SCFD1: variants seen among roughly 807,000 people sequenced by gnomAD.
SCFD1 encodes the protein sec1 family domain-containing protein 1.
SCFD1 carries 37 observed loss-of-function variants against 103.2 expected under a neutral mutation model. That is an observed-to-expected ratio of 0.36 (90% CI 0.28 to 0.47). The LOEUF (loss-of-function observed/expected upper bound fraction) is 0.47, where lower values mean the gene tolerates loss of function less well. Ranked by LOEUF, SCFD1 falls within the 20% of genes least tolerant of loss-of-function variation. The pLI, the probability that SCFD1 is intolerant of heterozygous loss-of-function variation, is 1.00. For synonymous variants in SCFD1, 264 were observed against 245.0 expected, an observed-to-expected ratio of 1.08 and a Z score of -0.73; for missense variants, 639 against 761.2, an observed-to-expected ratio of 0.84 and a Z score of 1.89.
chr14:30,660,944 G>C (rs1199498320), intron 10 of SCFD1, among the ~76,000 whole-genome samples: 1 of 152,012 alleles, frequency 6.6e-6, no homozygotes, highest in Admixed American at 6.6e-5. Context: ...CCTCAGACCT[G>C]GCTGCATCCG....
intron 5 of SCFD1, 112 bp downstream of exon 5, chr14:30,638,359 T>G: frequency 7.0e-7 from 1 of 1,438,620 alleles, no homozygotes; most frequent in South Asian, 1.3e-5. Flanking sequence ...ACAACAGAAT[T>G]GTTTAGGCTC....
At chr14:30,692,781 C>T (rs191127234) in intron 14 of SCFD1, among the ~76,000 whole-genome samples, 1 of 152,306 alleles carries the variant, frequency 6.6e-6, no homozygotes, top group East Asian at 1.9e-4. Flanking sequence ...TGACTTCACT[C>T]TGCAGATAAC....
intron 14 of SCFD1, among the ~76,000 whole-genome samples, chr14:30,675,751 T>G (rs151221695): frequency 0.025 from 3,782 of 152,284 alleles, 86 homozygotes; most frequent in Non-Finnish European, 0.036. Flanking sequence ...CATTTGAAAC[T>G]GTTTAAAAAG....
chr14:30,694,962 T>C lies in SCFD1; in HGVS notation c.1339+93T>C, dbSNP rs927643458. 4 of 1,511,134 alleles carry C rather than the reference T, an allele frequency of 2.6e-6. No homozygotes were observed. In the African/African-American group the frequency reaches 5.8e-5, roughly 22 times the overall value. 93.6% of individuals were successfully genotyped at this position (1,511,134 alleles called of 1,614,324 possible). On this transcript the variant is annotated intron_variant, in intron 15 of 24. Transcript: ENST00000458591. ...AAACTTTGAATAGAATTGTTGTTTTTCTGACAGTCAATGCTAATATCAAGA... is the reference window on the plus strand; with the variant it reads ...AAACTTTGAATAGAATTGTTGTTTTCCTGACAGTCAATGCTAATATCAAGA...
At chr14:30,709,269 C>A (rs934475624) in intron 19 of SCFD1, among the ~76,000 whole-genome samples, 1 of 152,056 alleles carries the variant, frequency 6.6e-6, no homozygotes, top group Non-Finnish European at 1.5e-5. Flanking sequence ...TATACTTAAT[C>A]TTTATTTGTG....
chr14:30,658,151 C>T (rs1318232214), intron 10 of SCFD1: 1 of 449,032 alleles, frequency 2.2e-6, no homozygotes, highest in African/African-American at 2.0e-5. Flanking sequence ...ATTATTTTAT[C>T]TCTGTTTTTT....
chr14:30,695,003 T>C, intron 15 of SCFD1, 134 bp downstream of exon 15: 1 of 1,439,560 alleles, frequency 6.9e-7, no homozygotes, highest in Non-Finnish European at 9.1e-7. Flanking sequence ...AAATGAGCTA[T>C]TTTCTGGTAA....
chr14:30,639,893 T>C, intron 6 of SCFD1, 29 bp downstream of exon 6: 1 of 1,560,964 alleles, frequency 6.4e-7, no homozygotes, highest in Non-Finnish European at 8.7e-7. Flanking sequence ...GTTGCAATTC[T>C]TTGTTAACAA....
At chr14:30,679,030 G>A (rs556134130) in intron 14 of SCFD1, among the ~76,000 whole-genome samples, 2 of 152,058 alleles carry the variant, frequency 1.3e-5, no homozygotes, top group South Asian at 2.1e-4. Flanking sequence ...TTATTTTTTG[G>A]TTCAACTGCC....
chr14:30,650,556 A>G lies in SCFD1; in HGVS notation c.670-9A>G. ...CTGTTAAGAGTTAATCTAAAATTTT[A>G]TTTTTCAGAAACTAGACAAGAAACT... On this transcript the variant is annotated splice_polypyrimidine_tract_variant and intron_variant, in intron 8 of 24. Transcript: ENST00000458591. 1 of 1,536,672 alleles carries G rather than the reference A, an allele frequency of 6.5e-7. No individual in the cohort carries two copies. The highest frequency in any genetic ancestry group is 9.0e-7 in the Non-Finnish European group (1 of 1,111,770).
At chr14:30,652,468 T>G (rs1886490895) in intron 9 of SCFD1, 2 of 152,164 alleles carry the variant, frequency 1.3e-5, no homozygotes, top group African/African-American at 4.8e-5. Flanking sequence ...GTATAGCGTT[T>G]TTTGAGGCTC....
At chr14:30,643,825 C>T (rs887058920) in intron 7 of SCFD1, 1 of 411,360 alleles carries the variant, frequency 2.4e-6, no homozygotes, top group African/African-American at 2.1e-5. Context: ...TACTAATCTA[C>T]CTATACCTTC....
rs143260813 is a variant in SCFD1 at position 30,721,438 on chromosome 14, C to T, written c.1737-446C>T. Among the ~76,000 whole-genome samples the T allele has an allele frequency of 5.5e-3, 838 of 152,080 alleles. 12 individuals are homozygous for T. The highest frequency in any genetic ancestry group is 0.019 in the African/African-American group (776 of 41,508). On this transcript the variant is annotated intron_variant, in intron 21 of 24. Coordinates refer to ENST00000458591, the MANE Select transcript of SCFD1 (RefSeq NM_016106.4). ...CAGATCCCTCCCTCCCTCCCTTCCC[C>T]ATTTGCTTCCTGAGTTGTTATTCTT...
At chr14:30,679,830 G>A (rs773898311) in intron 14 of SCFD1, among the ~76,000 whole-genome samples, 1 of 152,082 alleles carries the variant, frequency 6.6e-6, no homozygotes, top group Non-Finnish European at 1.5e-5. Context: ...CTCTTGTCCA[G>A]TATGCATATC....
intron 14 of SCFD1, among the ~76,000 whole-genome samples, chr14:30,679,748 A>T (rs945730481): frequency 6.6e-6 from 1 of 151,786 alleles, no homozygotes; most frequent in South Asian, 2.1e-4. Context: ...TGATCACATT[A>T]GAGGTCTTTT....
At chr14:30,717,348 A>T (rs371781506) in intron 20 of SCFD1, among the ~76,000 whole-genome samples, 1 of 152,034 alleles carries the variant, frequency 6.6e-6, no homozygotes, top group Non-Finnish European at 1.5e-5. Context: ...GTGGTGATAC[A>T]CACCTGTAGT....
In SCFD1 at chr14:30,650,667, A is replaced by T; in HGVS notation, c.755+17A>T. The T allele has an allele frequency of 7.3e-7, 1 of 1,374,328 alleles. No homozygotes were observed. Among genetic ancestry groups the T allele is most frequent in the Non-Finnish European group, 1.0e-6 (1 of 969,216 alleles). 85.1% of individuals were successfully genotyped at this position (1,374,328 alleles called of 1,614,324 possible). On this transcript the variant is annotated intron_variant, in intron 9 of 24. Transcript: ENST00000458591. ...CCAATTCAGGTATTACTGTTATTAA[A>T]TACACTTGTAAGACTTTAAAATATT...
intron 14 of SCFD1, chr14:30,675,469 TTTTAAA>T (rs1477696352): frequency 6.5e-6 from 1 of 153,356 alleles, no homozygotes; most frequent in Non-Finnish European, 1.5e-5. Flanking sequence ...GTTCTGAACT[TTTTAAA>T]TTTAGAGAAT....
rs947649239 is a variant in SCFD1, at chr14:30,723,748, A to G, written c.1836+1189A>G. On this transcript the variant is annotated intron_variant, in intron 23 of 24. Transcript: ENST00000458591. ...TGATCTTATTCTTTTTTATGCCTGC[A>G]TGGTATTCCATGGTATATATGTACC... Among the ~76,000 whole-genome samples, 6 of 152,204 alleles carry G rather than the reference A, an allele frequency of 3.9e-5. No individual in the cohort carries two copies. In the South Asian group the frequency reaches 1.0e-3, roughly 26 times the overall value.
Sources: gnomAD v4.1 joint callset for allele counts (sites outside exome capture counted in the v4.1 genomes callset) on GRCh38, gnomAD v4.1.1 for gene constraint, MANE v1.5 for transcripts, NCBI Gene and HGNC (gene_info 2026-07-23, HGNC 2026-07-21) for gene names.